Variants in COL21A1 observed in about 807,000 individuals in gnomAD.
The protein encoded by COL21A1 is collagen alpha-1(XXI) chain.
A neutral mutation model predicts 137.9 loss-of-function variants in COL21A1; 149 were observed. That is an observed-to-expected ratio of 1.08 (90% CI 0.95 to 1.24). The LOEUF (loss-of-function observed/expected upper bound fraction) is 1.24, where lower values mean the gene tolerates loss of function less well. Among genes scored for constraint, COL21A1 ranks in the 50% most tolerant of loss-of-function variants. The pLI is 0.00. For synonymous variants in COL21A1, 456 were observed against 391.5 expected (o/e 1.16, Z -1.95); for missense variants, 1,167 against 1,158.4 (o/e 1.01, Z -0.11).
intron 1 of COL21A1, among the ~76,000 whole-genome samples, chr6:56,284,722 T>A (rs9382606): frequency 1.3e-5 from 2 of 151,218 alleles, no homozygotes; most frequent in Admixed American, 1.3e-4. Context: ...CTCATTACGC[T>A]GGCAATGAGA....
At chr6:56,280,393 C>T (rs915160347) in intron 1 of COL21A1, among the ~76,000 whole-genome samples, 7 of 152,170 alleles carry the variant, frequency 4.6e-5, no homozygotes. Context: ...ATTATGGATT[C>T]TTTGCACAAC....
intron 1 of COL21A1, among the ~76,000 whole-genome samples, chr6:56,298,171 G>T (rs1011390465): frequency 6.6e-6 from 1 of 151,828 alleles, no homozygotes; most frequent in African/African-American, 2.4e-5. Flanking sequence ...AAGGCGCCAA[G>T]TCCAATGGTG....
At chr6:56,266,663 A>G (rs1259917002) in intron 1 of COL21A1, among the ~76,000 whole-genome samples, 1 of 152,248 alleles carries the variant, frequency 6.6e-6, no homozygotes, top group Admixed American at 6.5e-5. Context: ...ATTTAGATGG[A>G]CTAATAGAAC....
intron 1 of COL21A1, among the ~76,000 whole-genome samples, chr6:56,205,017 C>A (rs540970371): frequency 6.6e-6 from 1 of 152,222 alleles, no homozygotes; most frequent in African/African-American, 2.4e-5. Context: ...GATAAATCCA[C>A]AAAGATGGGG....
At chr6:56,370,535 A>G (rs1193789835) in intron 1 of COL21A1, among the ~76,000 whole-genome samples, 2 of 152,184 alleles carry the variant, frequency 1.3e-5, no homozygotes, top group Non-Finnish European at 2.9e-5. Context: ...TTATTCCTGC[A>G]TTTTTCAAAT....
intron 1 of COL21A1, among the ~76,000 whole-genome samples, chr6:56,268,180 C>T (rs905838898): frequency 2.0e-5 from 3 of 152,206 alleles, no homozygotes; most frequent in Non-Finnish European, 1.5e-5. Flanking sequence ...GGGTGAAATG[C>T]ATGGGTTCAT....
intron 16 of COL21A1, among the ~76,000 whole-genome samples, chr6:56,121,184 G>A (rs922854889): frequency 6.6e-6 from 1 of 152,072 alleles, no homozygotes; most frequent in Non-Finnish European, 1.5e-5. Context: ...TGGCATAGAG[G>A]GTAGAAGGAT....
Position 56,140,826 on chromosome 6 carries a change from C to T in COL21A1, c.1542+959G>A, listed in dbSNP as rs138354654. Among the ~76,000 whole-genome samples the T allele has an allele frequency of 1.5e-3, 231 of 152,202 alleles. 3 individuals are homozygous for T. The East Asian group carries it at 0.04, about 26-fold the overall frequency. On this transcript the variant is annotated intron_variant, in intron 12 of 29. Transcript: ENST00000244728. The stretch of plus-strand genomic sequence containing the variant: ...AACAATCAACTCTGAATAAAATCCA[C>T]AACTGGTCTGAAAACAGAGACCTTG...
chr6:56,257,178 A>T (rs1763106336), intron 1 of COL21A1, among the ~76,000 whole-genome samples: 1 of 152,180 alleles, frequency 6.6e-6, no homozygotes, highest in African/African-American at 2.4e-5. Flanking sequence ...TCCCCCAGAA[A>T]ATTCCCATTA....
intron 18 of COL21A1, among the ~76,000 whole-genome samples, chr6:56,075,979 G>C (rs932032040): frequency 7.3e-5 from 11 of 151,514 alleles, no homozygotes; most frequent in African/African-American, 2.7e-4. Flanking sequence ...ATCCTAGAAG[G>C]AACATCCTCT....
intron 17 of COL21A1, among the ~76,000 whole-genome samples, chr6:56,093,240 C>G (rs1769021524): frequency 6.6e-6 from 1 of 152,062 alleles, no homozygotes; most frequent in Non-Finnish European, 1.5e-5. Context: ...CTCTGGCCTT[C>G]AAAGATTCAC....
At position 56,260,696 on chromosome 6, in the gene COL21A1, G is replaced by GAAGGAAGT. The variant is rs1171498184; in HGVS notation, c.-38-78041_-38-78040insACTTCCTT. Among the ~76,000 whole-genome samples, 290 of 45,664 alleles carry GAAGGAAGT rather than the reference G, an allele frequency of 6.4e-3. 9 individuals carry two copies. The highest frequency in any genetic ancestry group is 7.2e-3 in the Non-Finnish European group (164 of 22,894). The allele number at this position is 45,664 out of a possible 152,430, so 30.0% of individuals were successfully genotyped here. ...GGAAGGAAGGAAGGAAGGAAGGCAG[G>GAAGGAAGT]CAGGCAGGCAGGCAGGCAGGAAGGG... On this transcript the variant is annotated intron_variant, in intron 1 of 28. Transcript: ENST00000370819.
chr6:56,307,766 C>G (rs1205868449), intron 1 of COL21A1, among the ~76,000 whole-genome samples: 1 of 152,172 alleles, frequency 6.6e-6, no homozygotes, highest in Non-Finnish European at 1.5e-5. Flanking sequence ...GTGAGATGAA[C>G]CCGGTACCTC....
chr6:56,260,649 A>AGAGAGAG (rs1562028860), intron 1 of COL21A1, among the ~76,000 whole-genome samples: 34 of 43,390 alleles, frequency 7.8e-4, no homozygotes, highest in South Asian at 1.5e-3. Flanking sequence ...GGAAGGAAGG[A>AGAGAGAG]AGGAAGGAAT....
intron 1 of COL21A1, among the ~76,000 whole-genome samples, chr6:56,186,532 A>G (rs1778316730): frequency 6.6e-6 from 1 of 152,222 alleles, no homozygotes; most frequent in Non-Finnish European, 1.5e-5. Context: ...GAAATAAAAC[A>G]TGTAAAGATT....
chr6:56,074,982 G>GC (rs67244889), intron 19 of COL21A1, among the ~76,000 whole-genome samples: 1 of 39,256 alleles, frequency 2.5e-5, no homozygotes, highest in Non-Finnish European at 6.4e-5. Flanking sequence ...GTTAAAATTT[G>GC]GGGGGGGATT....
intron 1 of COL21A1, among the ~76,000 whole-genome samples, chr6:56,360,200 C>T (rs1025984868): frequency 6.6e-6 from 1 of 152,024 alleles, no homozygotes; most frequent in African/African-American, 2.4e-5. Flanking sequence ...CATCTACCAC[C>T]GAATAGGTTG....
intron 3 of COL21A1, among the ~76,000 whole-genome samples, chr6:56,173,478 A>G (rs962211964): frequency 6.7e-6 from 1 of 148,192 alleles, no homozygotes; most frequent in Admixed American, 6.6e-5. Flanking sequence ...AAAAGGACTC[A>G]CTTTAAATTT....
intron 1 of COL21A1, among the ~76,000 whole-genome samples, chr6:56,223,317 T>C (rs1780968964): frequency 6.6e-6 from 1 of 152,138 alleles, no homozygotes. Context: ...CCCTCTAATA[T>C]GAAGGGAAAG....
Sources: allele counts gnomAD v4.1 joint callset (sites outside exome capture counted in the v4.1 genomes callset), GRCh38; gene constraint gnomAD v4.1.1; transcripts MANE v1.5; gene names NCBI Gene and HGNC (gene_info 2026-07-23, HGNC 2026-07-21).